The following CDH22 variants were observed in gnomAD, a reference collection of about 807,000 sequenced individuals.
CDH22 encodes the protein cadherin 22.
CDH22 carries 30 observed loss-of-function variants against 58.4 expected under a neutral mutation model. The ratio of observed to expected loss-of-function variants is 0.51; its 90% CI spans 0.38 to 0.70. CDH22 has a LOEUF of 0.70. Among genes scored for constraint, CDH22 ranks in the 30% least tolerant of loss-of-function variants. CDH22 has a pLI of 0.00. For missense variants in CDH22, 1,014 were observed against 1,233.9 expected (o/e 0.82, Z 2.67); for synonymous variants, 513 against 558.2 (o/e 0.92, Z 1.14).
At chr20:46,235,344 T>C (rs2086245463) in intron 3 of CDH22, among the ~76,000 whole-genome samples, 1 of 152,198 alleles carries the variant, frequency 6.6e-6, no homozygotes. Flanking sequence ...AAAGAATGTC[T>C]AGTCCAATTC....
At position 46,298,801 on chromosome 20, in the gene CDH22, TC is replaced by T. The variant is rs202146679; in HGVS notation, c.-400+9453del. The stretch of plus-strand genomic sequence containing the variant: ...TAATTTGGTTAATGGACCCCAGTTC[TC>T]CCAGACACCAGGCCTGAGACTTTGT... On this transcript the variant is annotated intron_variant, in intron 1 of 11. Coordinates refer to ENST00000537909, the MANE Select transcript of CDH22 (RefSeq NM_021248.3). Among the ~76,000 whole-genome samples the T allele has an allele frequency of 5.2e-3, 787 of 152,192 alleles. 28 individuals are homozygous for T. The highest frequency in any genetic ancestry group is 0.048 in the Admixed American group (731 of 15,270).
chr20:46,259,449 C>T (rs1232680412), intron 1 of CDH22, among the ~76,000 whole-genome samples: 4 of 152,162 alleles, frequency 2.6e-5, no homozygotes, highest in African/African-American at 7.2e-5. Context: ...TAGTGAAGAC[C>T]TACTATGTGC....
chr20:46,254,502 C>T, intron 1 of CDH22, among the ~76,000 whole-genome samples: 1 of 149,318 alleles, frequency 6.7e-6, no homozygotes, highest in Admixed American at 6.7e-5. Flanking sequence ...TTGTAGTGAG[C>T]CAAGACCATG....
intron 5 of CDH22, 119 bp from the exon 6 acceptor site, chr20:46,213,307 G>C (rs2086058470): frequency 1.5e-6 from 1 of 680,588 alleles, no homozygotes; most frequent in Non-Finnish European, 2.5e-6. Context: ...TGCCTGAAAG[G>C]GGCTCTCAGC....
In CDH22 at chr20:46,174,896, G is replaced by T; in HGVS notation, c.2097C>A (p.Gly699=). ...CGCCCGCGCTGCCGCCCCCGTCGCCGCCCTTGAGCTCGCCGAAGTCGTAGA... is the reference window on the plus strand; with the variant it reads ...CGCCCGCGCTGCCGCCCCCGTCGCCTCCCTTGAGCTCGCCGAAGTCGTAGA... ...RSLYDFGELK[G]GDGGGSAGGG... Residue 699 remains glycine (G), a synonymous_variant, in exon 12 of 12, where the codon GGC becomes GGA. Transcript: ENST00000537909. This position sits in a 1 kb window ranked among gnomAD's most constrained non-coding sequence, Gnocchi z 4.4. 8.9e-7 allele frequency: 1 copy of T among 1,124,328 alleles called. No homozygotes were observed. The allele number at this position is 1,124,328 out of a possible 1,614,324, so 69.6% of individuals were successfully genotyped here.
Position 46,212,950 on chromosome 20 carries a change from C to T in CDH22, c.1032+45G>A. ...TGCCCAGAGGCCTCCCTGATCCTCC[C>T]ACCCCTGAGGCCTGCCTCCCCCATT... On this transcript the variant is annotated intron_variant, in intron 6 of 11. Coordinates refer to ENST00000537909, the MANE Select transcript of CDH22 (RefSeq NM_021248.3). 1.9e-6 allele frequency: 3 copies of T among 1,548,992 alleles called. No homozygotes were observed. In the South Asian group the frequency reaches 3.4e-5, roughly 18 times the overall value.
chr20:46,226,309 A>T (rs2086174783), intron 4 of CDH22, among the ~76,000 whole-genome samples: 1 of 122,220 alleles, frequency 8.2e-6, no homozygotes, highest in South Asian at 2.7e-4. Flanking sequence ...TTTTTGAGAC[A>T]GGGTCTTGCT....
intron 1 of CDH22, among the ~76,000 whole-genome samples, chr20:46,285,406 C>T (rs867128345): frequency 3.5e-4 from 54 of 152,268 alleles, no homozygotes; most frequent in African/African-American, 1.3e-3. Flanking sequence ...GGGGACCTTG[C>T]GACCCTTGGG....
Position 46,174,813 on chromosome 20 carries a change from G to A in CDH22, c.2180C>T (p.Pro727Leu). ...GAGSPPQAHL[P>L]SERHSLPQGP... ...CTGCGGCAGCGAGTGGCGCTCGGAGGGCAGGTGGGCCTGCGGGGGGCTGCC... is the reference window on the plus strand; with the variant it reads ...CTGCGGCAGCGAGTGGCGCTCGGAGAGCAGGTGGGCCTGCGGGGGGCTGCC... Residue 727 changes from proline to leucine, a missense_variant, in exon 12 of 12, where the codon CCC becomes CTC. Coordinates refer to ENST00000537909, the MANE Select transcript of CDH22 (RefSeq NM_021248.3). The surrounding 1 kb of genome is among the most constrained non-coding windows in gnomAD (Gnocchi z 4.4). 1 of 1,474,624 alleles carries A rather than the reference G, an allele frequency of 6.8e-7. No homozygotes were observed. The allele number at this position is 1,474,624 out of a possible 1,614,324, so 91.3% of individuals were successfully genotyped here.
chr20:46,181,650 CCCT>C (rs1418643314), intron 10 of CDH22, among the ~76,000 whole-genome samples: 3 of 141,004 alleles, frequency 2.1e-5, no homozygotes, highest in Admixed American at 7.2e-5. Flanking sequence ...CTTCCTCCCT[CCCT>C]CCTTTCTCTC....
rs536419192 is a variant in CDH22, at chr20:46,307,968, G to A, written c.-400+287C>T. Reference sequence around the variant, plus strand: ...CCCGGAGGCTCCCGGGCGCGCGGCGGACGAGGTTGTGGGGACGGGTGGGAG... The same window carrying A: ...CCCGGAGGCTCCCGGGCGCGCGGCGAACGAGGTTGTGGGGACGGGTGGGAG... On this transcript the variant is annotated intron_variant, in intron 1 of 11. Transcript: ENST00000537909. 5.5e-3 allele frequency among the ~76,000 whole-genome samples: 837 copies of A among 151,896 alleles called. 3 individuals are homozygous for A. The highest frequency in any genetic ancestry group is 7.4e-3 in the Non-Finnish European group (505 of 67,844).
At chr20:46,239,519 G>C (rs1283391719) in intron 3 of CDH22, among the ~76,000 whole-genome samples, 1 of 152,314 alleles carries the variant, frequency 6.6e-6, no homozygotes, top group East Asian at 1.9e-4. Flanking sequence ...ATCCCAGCAA[G>C]CTGCCAGATT....
chr20:46,252,434 C>T (rs140076744), intron 1 of CDH22, among the ~76,000 whole-genome samples: 114 of 152,344 alleles, frequency 7.5e-4, no homozygotes, highest in African/African-American at 2.6e-3. Context: ...ACCAGCCTGC[C>T]GTCCCCAGAT....
At chr20:46,197,317 T>TATATATATATATATATATATAC (rs573324791) in intron 8 of CDH22, among the ~76,000 whole-genome samples, 1 of 148,238 alleles carries the variant, frequency 6.7e-6, no homozygotes, top group African/African-American at 2.5e-5. Context: ...TATATATATA[T>TATATATATATATATATATATAC]ACATATGAAG....
At chr20:46,217,137 G>A (rs1053641706) in intron 4 of CDH22, 144 bp from the exon 5 acceptor site, 30 of 694,538 alleles carry the variant, frequency 4.3e-5, no homozygotes, top group East Asian at 1.4e-4. Context: ...GGACATCCAC[G>A]TGTCCACCAT....
At chr20:46,211,641 C>A (rs1007108525) in intron 6 of CDH22, among the ~76,000 whole-genome samples, 4 of 152,142 alleles carry the variant, frequency 2.6e-5, no homozygotes, top group African/African-American at 9.7e-5. Flanking sequence ...GGGATGAGAG[C>A]AAATGCTGTG....
intron 1 of CDH22, among the ~76,000 whole-genome samples, chr20:46,285,427 C>A (rs1272043801): frequency 6.6e-5 from 10 of 152,166 alleles, no homozygotes; most frequent in African/African-American, 2.4e-4. Flanking sequence ...ACATTTGCAA[C>A]GTCTGGAGAC....
chr20:46,200,502 G>C (rs1199926277), intron 7 of CDH22, among the ~76,000 whole-genome samples: 1 of 145,632 alleles, frequency 6.9e-6, no homozygotes, highest in Non-Finnish European at 1.5e-5. Context: ...CACTGGTCTC[G>C]AACTACTGAG....
At chr20:46,306,290 C>T (rs930175499) in intron 1 of CDH22, among the ~76,000 whole-genome samples, 3 of 152,250 alleles carry the variant, frequency 2.0e-5, no homozygotes, top group African/African-American at 2.4e-5. Flanking sequence ...GTTCCTATTC[C>T]GGCTCTGGGT....
Sources: allele counts gnomAD v4.1 joint callset (sites outside exome capture counted in the v4.1 genomes callset), GRCh38; gene constraint gnomAD v4.1.1; non-coding constraint Gnocchi (gnomAD v3.1); transcripts MANE v1.5; gene names NCBI Gene and HGNC (gene_info 2026-07-23, HGNC 2026-07-21).